ZC3H12C: variants seen among roughly 807,000 people sequenced by gnomAD.
ZC3H12C encodes zinc finger CCCH-type containing 12C.
ZC3H12C carries 20 observed loss-of-function variants against 76.3 expected under a neutral mutation model. The observed-to-expected ratio is 0.26, with a 90% CI of 0.18 to 0.38. ZC3H12C has a LOEUF of 0.38. Among genes scored for constraint, ZC3H12C ranks in the 10% least tolerant of loss-of-function variants. The pLI, the probability that ZC3H12C is intolerant of heterozygous loss-of-function variation, is 1.00. For synonymous variants in ZC3H12C, 352 were observed against 399.6 expected (o/e 0.88, Z 1.42); for missense variants, 874 against 1,086.5 (o/e 0.80, Z 2.75).
chr11:110,149,671 G>A (rs1256327420), intron 2 of ZC3H12C, among the ~76,000 whole-genome samples: 1 of 152,062 alleles, frequency 6.6e-6, no homozygotes, highest in African/African-American at 2.4e-5. Flanking sequence ...TATGTTCATT[G>A]GTCATTTGAG....
At chr11:110,093,529 C>G in intron 1 of ZC3H12C, 97 bp downstream of exon 1, 1 of 973,224 alleles carries the variant, frequency 1.0e-6, no homozygotes, top group Non-Finnish European at 1.3e-6. Context: ...CGCCCGGGCG[C>G]CAGGCGGAGG....
intron 2 of ZC3H12C, among the ~76,000 whole-genome samples, chr11:110,139,696 C>T (rs116374606): frequency 0.017 from 2,559 of 152,050 alleles, 64 homozygotes; most frequent in African/African-American, 0.057. Context: ...AATTGCCAAA[C>T]GAGGGAATAG....
rs1862639372 is a variant in ZC3H12C, at chr11:110,169,517, C to G, written c.*3780C>G. On this transcript the variant is annotated 3_prime_UTR_variant, in exon 6 of 6. Coordinates refer to ENST00000278590, the MANE Select transcript of ZC3H12C (RefSeq NM_033390.2). ...TAAGACATACAGTTTTCTGGCCATT[C>G]TGTTGGTGTGTGGTGCACCCATTTT... 1.3e-5 allele frequency: 2 copies of G among 152,124 alleles called. No homozygotes were observed. Among genetic ancestry groups the G allele is most frequent in the Admixed American group, 6.6e-5 (1 of 15,254 alleles). 9.4% of individuals were successfully genotyped at this position (152,124 alleles called of 1,614,324 possible). A position where few individuals can be genotyped will look rare whatever the true frequency, so the allele number is the denominator to read the frequency against.
At chr11:110,105,829 C>T (rs535293657) in intron 1 of ZC3H12C, among the ~76,000 whole-genome samples, 15 of 152,156 alleles carry the variant, frequency 9.9e-5, no homozygotes, top group African/African-American at 3.6e-4. Flanking sequence ...TATTTAAGTG[C>T]TGTAATTTAA....
chr11:110,107,906 G>T (rs762134534), intron 1 of ZC3H12C, among the ~76,000 whole-genome samples: 7 of 151,914 alleles, frequency 4.6e-5, no homozygotes, highest in Non-Finnish European at 4.4e-5. Context: ...AAAGCAATCT[G>T]CCTGCCTTGG....
intron 1 of ZC3H12C, chr11:110,135,905 T>C (rs979528257): frequency 6.6e-5 from 10 of 152,198 alleles, no homozygotes; most frequent in African/African-American, 2.4e-4. Flanking sequence ...AATAGACTGT[T>C]GTTTCCCTGG....
chr11:110,133,272 A>G (rs1365086134), intron 1 of ZC3H12C, among the ~76,000 whole-genome samples: 1 of 152,172 alleles, frequency 6.6e-6, no homozygotes, highest in Non-Finnish European at 1.5e-5. Context: ...AGGTTATTTC[A>G]AATTTGTAGT....
At position 110,169,339 on chromosome 11, in the gene ZC3H12C, GGTGTGTGTGTGTGTGTGTGTGTGT is replaced by G. The variant is rs143466304; in HGVS notation, c.*3621_*3644del. ...TGTGACAGGTGGGAGGATGGCTCTG[GGTGTGTGTGTGTGTGTGTGTGTGT>G]GTGTGTGTGTGTGTGTGTTTTGAAA... is the stretch of plus-strand genomic sequence containing the variant. On this transcript the variant is annotated 3_prime_UTR_variant, in exon 6 of 6. Transcript: ENST00000278590. 2 of 146,364 alleles carry G rather than the reference GGTGTGTGTGTGTGTGTGTGTGTGT, an allele frequency of 1.4e-5. No individual in the cohort carries two copies. Among genetic ancestry groups the G allele is most frequent in the African/African-American group, 5.1e-5 (2 of 39,550 alleles). The allele number at this position is 146,364 out of a possible 1,614,324, so 9.1% of individuals were successfully genotyped here.
chr11:110,136,572 G>C (rs754510689), intron 1 of ZC3H12C, 91 bp from the exon 2 acceptor site: 107 of 1,376,142 alleles, frequency 7.8e-5, no homozygotes, highest in Non-Finnish European at 1.0e-4. Context: ...AAAGTATTTT[G>C]AGTAGTTGAG....
At chr11:110,153,801 T>G (rs1189087450) in intron 3 of ZC3H12C, among the ~76,000 whole-genome samples, 1 of 152,272 alleles carries the variant, frequency 6.6e-6, no homozygotes, top group South Asian at 2.1e-4. Flanking sequence ...CCATAAGATG[T>G]GCTTCAGTCC....
intron 1 of ZC3H12C, among the ~76,000 whole-genome samples, chr11:110,108,152 C>T (rs956082517): frequency 6.6e-6 from 1 of 151,850 alleles, no homozygotes; most frequent in African/African-American, 2.4e-5. Context: ...GATGAGGTCT[C>T]AGTGTGTTAC....
chr11:110,165,035 C>T lies in ZC3H12C; in HGVS notation c.1950C>T (p.Ser650=). 1 of 1,613,934 alleles carries T rather than the reference C, an allele frequency of 6.2e-7. No homozygotes were observed. The highest frequency in any genetic ancestry group is 8.5e-7 in the Non-Finnish European group (1 of 1,179,898). The stretch of plus-strand genomic sequence containing the variant: ...GTTACAATGACCGGTCCTATGTCAG[C>T]TCCCCCGACCCACAGCTAGAGGAGA... ...YVGYNDRSYV[S]SPDPQLEENL... The change falls in exon 6 of 6, where the codon AGC becomes AGT. Residue 650 remains serine, a synonymous_variant. Coordinates refer to ENST00000278590, the MANE Select transcript of ZC3H12C (RefSeq NM_033390.2).
Position 110,164,396 on chromosome 11 carries a change from T to A in ZC3H12C, c.1311T>A (p.Ser437Arg), listed in dbSNP as rs754284124. Residue 437 changes from serine (S) to arginine (R), a missense_variant, in exon 6 of 6, where the codon AGT (serine) becomes AGA (arginine). Transcript: ENST00000278590. This position sits in a 1 kb window ranked among gnomAD's most constrained non-coding sequence, Gnocchi z 5.7. ...KCKYYHPERG[S>R]QPQRSVADEL... The stretch of plus-strand genomic sequence containing the variant: ...AATATTACCATCCCGAAAGGGGCAG[T>A]CAGCCACAGCGGTCAGTGGCTGATG... The A allele has an allele frequency of 6.2e-7, 1 of 1,613,790 alleles. No homozygotes were observed. The highest frequency in any genetic ancestry group is 8.5e-7 in the Non-Finnish European group (1 of 1,179,902).
chr11:110,152,866 T>A, intron 2 of ZC3H12C, 53 bp from the exon 3 acceptor site: 1 of 1,557,074 alleles, frequency 6.4e-7, no homozygotes, highest in Admixed American at 1.9e-5. Flanking sequence ...TTGAATTAAT[T>A]TACTTAAATT....
At chr11:110,146,400 C>G (rs1862171752) in intron 2 of ZC3H12C, among the ~76,000 whole-genome samples, 1 of 152,198 alleles carries the variant, frequency 6.6e-6, no homozygotes, top group Non-Finnish European at 1.5e-5. Context: ...GCAGGAAAAA[C>G]AAGCAAACAG....
At chr11:110,109,453 A>G (rs889164313) in intron 1 of ZC3H12C, among the ~76,000 whole-genome samples, 1 of 152,162 alleles carries the variant, frequency 6.6e-6, no homozygotes, top group African/African-American at 2.4e-5. Flanking sequence ...TACAATGGTA[A>G]TGTTATATAT....
At chr11:110,093,564 CGT>C in intron 1 of ZC3H12C, 132 bp downstream of exon 1, 1 of 593,548 alleles carries the variant, frequency 1.7e-6, no homozygotes. Context: ...GCGACCTCGC[CGT>C]GTGATCTCCA....
At chr11:110,117,118 A>G (rs1462099597) in intron 1 of ZC3H12C, among the ~76,000 whole-genome samples, 1 of 152,220 alleles carries the variant, frequency 6.6e-6, no homozygotes, top group African/African-American at 2.4e-5. Context: ...CAAGTTCTGA[A>G]TGGAATACCA....
intron 2 of ZC3H12C, among the ~76,000 whole-genome samples, chr11:110,145,586 A>G (rs1243887830): frequency 6.8e-6 from 1 of 147,156 alleles, no homozygotes; most frequent in Non-Finnish European, 1.5e-5. Context: ...CTCTACAACA[A>G]ATTACAGAAA....
Sources: allele counts gnomAD v4.1 joint callset (sites outside exome capture counted in the v4.1 genomes callset), GRCh38; gene constraint gnomAD v4.1.1; non-coding constraint Gnocchi (gnomAD v3.1); transcripts MANE v1.5; gene names NCBI Gene and HGNC (gene_info 2026-07-23, HGNC 2026-07-21).